Variants in PXDN observed in about 807,000 individuals in gnomAD.
PXDN encodes the protein peroxidasin homolog.
PXDN carries 77 observed loss-of-function variants against 140.3 expected under a neutral mutation model. The observed-to-expected ratio is 0.55, with a 90% CI of 0.46 to 0.66. The LOEUF (loss-of-function observed/expected upper bound fraction) is 0.66. Ranked by LOEUF, PXDN falls within the 30% of genes least tolerant of loss-of-function variation. PXDN has a pLI of 0.00. For synonymous variants in PXDN, 911 were observed against 857.4 expected (o/e 1.06, Z -1.09); for missense variants, 1,838 against 2,039.5 (o/e 0.90, Z 1.90).
intron 9 of PXDN, among the ~76,000 whole-genome samples, chr2:1,667,160 T>C (rs1683463156): frequency 6.6e-6 from 1 of 151,878 alleles, no homozygotes; most frequent in Non-Finnish European, 1.5e-5. Context: ...ATAACTAAGA[T>C]TAGAGCATAA....
chr2:1,703,037 GGC>G, intron 1 of PXDN, among the ~76,000 whole-genome samples: 1 of 55,566 alleles, frequency 1.8e-5, no homozygotes, highest in Non-Finnish European at 3.6e-5. Flanking sequence ...GTGAAGGGGG[GGC>G]AGCTCCAGGT....
At position 1,670,922 on chromosome 2, in the gene PXDN, C is replaced by T. The variant is rs78659608; in HGVS notation, c.1018+2721G>A. On this transcript the variant is annotated intron_variant, in intron 9 of 22. Transcript: ENST00000252804. ...CATTTAAGTGTTGTTCACCAAAATC[C>T]GGTCCTCACGTGAACTTGCTGCCCA... 6.7e-3 allele frequency among the ~76,000 whole-genome samples: 1,015 copies of T among 152,256 alleles called. 8 individuals are homozygous for T. Among genetic ancestry groups the T allele is most frequent in the Non-Finnish European group, 0.01 (706 of 68,032 alleles).
chr2:1,742,714 T>A (rs1685574719), intron 1 of PXDN, among the ~76,000 whole-genome samples: 2 of 152,326 alleles, frequency 1.3e-5, no homozygotes, highest in East Asian at 1.9e-4. Flanking sequence ...AGTCCACTGC[T>A]GTTGAGTGAG....
chr2:1,680,767 A>G (rs1410766447), intron 6 of PXDN, among the ~76,000 whole-genome samples: 1 of 152,052 alleles, frequency 6.6e-6, no homozygotes, highest in Non-Finnish European at 1.5e-5. Context: ...CAGCCACAAA[A>G]CCACCACTGT....
At chr2:1,699,560 A>C (rs889844894) in intron 1 of PXDN, among the ~76,000 whole-genome samples, 4 of 152,046 alleles carry the variant, frequency 2.6e-5, no homozygotes, top group Admixed American at 2.0e-4. Flanking sequence ...AATACAAAAA[A>C]TTAGCTGGGC....
chr2:1,713,023 C>A (rs1331870882), intron 1 of PXDN, among the ~76,000 whole-genome samples: 1 of 152,110 alleles, frequency 6.6e-6, no homozygotes, highest in African/African-American at 2.4e-5. Flanking sequence ...CTGTGTCCGG[C>A]CGTTTTGGAG....
chr2:1,653,872 A>G, intron 15 of PXDN, 87 bp from the exon 16 acceptor site: 2 of 1,368,722 alleles, frequency 1.5e-6, no homozygotes, highest in Non-Finnish European at 2.0e-6. Flanking sequence ...AATCATTGCT[A>G]TTAATATTTC....
chr2:1,686,965 TGCCGAGTGAAAGGTGACTG>T (rs1684074875), intron 4 of PXDN, among the ~76,000 whole-genome samples: 1 of 152,036 alleles, frequency 6.6e-6, no homozygotes, highest in African/African-American at 2.4e-5. Context: ...GGGCTCAGTT[TGCCGAGTGAAAGGTGACTG>T]GCCGAGCAAA....
chr2:1,656,694 C>T (rs959254656), intron 14 of PXDN, among the ~76,000 whole-genome samples: 3 of 147,140 alleles, frequency 2.0e-5, no homozygotes, highest in Non-Finnish European at 3.0e-5. Context: ...GCCCCCCTGA[C>T]AGAAACCCGC....
At chr2:1,679,494 G>GGT (rs146809945) in intron 7 of PXDN, among the ~76,000 whole-genome samples, 6 of 148,976 alleles carry the variant, frequency 4.0e-5, no homozygotes, top group Non-Finnish European at 7.4e-5. Flanking sequence ...GTGTGTAAAT[G>GGT]GTGTGTGTGT....
chr2:1,634,186 G>T lies in PXDN; in HGVS notation c.*18C>A. ...CACGATGGCACAGCAGACAAACTCT[G>T]AGGAGCCTCCCAGGAGCCTAGGGCT... On this transcript the variant is annotated 3_prime_UTR_variant, in exon 23 of 23. Coordinates refer to ENST00000252804, the MANE Select transcript of PXDN (RefSeq NM_012293.3). 2 of 1,559,584 alleles carry T rather than the reference G, an allele frequency of 1.3e-6. No homozygotes were observed. The highest frequency in any genetic ancestry group is 1.7e-6 in the Non-Finnish European group (2 of 1,151,212).
rs1219507866 is a variant in PXDN, at chr2:1,714,419, G to A, written c.201-21285C>T. Reference sequence around the variant, plus strand: ...AGAAGATGGGGCTACTGTGGGAGCAGGGACCCTGCCAGTTACACTTCCTAG... The same window carrying A: ...AGAAGATGGGGCTACTGTGGGAGCAAGGACCCTGCCAGTTACACTTCCTAG... On this transcript the variant is annotated intron_variant, in intron 1 of 22. Transcript: ENST00000252804. The surrounding 1 kb of genome is among the most constrained non-coding windows in gnomAD (Gnocchi z 4.3). Among the ~76,000 whole-genome samples, 4 of 152,280 alleles carry A rather than the reference G, an allele frequency of 2.6e-5. No individual in the cohort carries two copies. In the East Asian group the frequency reaches 7.8e-4, roughly 30 times the overall value.
chr2:1,744,556 G>C, upstream of PXDN: 1 of 1,008,554 alleles, frequency 9.9e-7, no homozygotes, highest in Non-Finnish European at 1.3e-6. Flanking sequence ...GTGCGCGGGG[G>C]GCGGGGGGCG....
chr2:1,644,622 C>T lies in PXDN; in HGVS notation c.3739G>A (p.Asp1247Asn). The T allele has an allele frequency of 6.3e-7, 1 of 1,599,600 alleles. No homozygotes were observed. Among genetic ancestry groups the T allele is most frequent in the Non-Finnish European group, 8.5e-7 (1 of 1,170,996 alleles). ...CTTTCTGGTGCACGTGCTCACCTGT[C>T]CCCATCTCGCAGGCGCTTGAACTGT... Reference protein sequence around the residue: ...STQFKRLRDGDRLWYENPGVF... With the variant: ...STQFKRLRDGNRLWYENPGVF... The change falls in exon 18 of 23, where the codon GAC (aspartate) becomes AAC (asparagine). Residue 1247 changes from aspartate to asparagine, a missense_variant. Transcript: ENST00000252804.
At position 1,711,339 on chromosome 2, in the gene PXDN, C is replaced by T. The variant is rs111215072; in HGVS notation, c.201-18205G>A. 9.2e-3 allele frequency among the ~76,000 whole-genome samples: 459 copies of T among 49,924 alleles called. 1 individual carries two copies. The highest frequency in any genetic ancestry group is 0.017 in the Non-Finnish European group (335 of 19,312). The allele number at this position is 49,924 out of a possible 152,430, so 32.8% of individuals were successfully genotyped here. ...GCTCCACCAGCACCCGCTCCACCAG[C>T]ACCCACTCTCCACCAGCACCCGCTC... On this transcript the variant is annotated intron_variant, in intron 1 of 22. Transcript: ENST00000252804.
At chr2:1,718,950 C>T (rs1250216024) in intron 1 of PXDN, among the ~76,000 whole-genome samples, 1 of 152,240 alleles carries the variant, frequency 6.6e-6, no homozygotes, top group Non-Finnish European at 1.5e-5. Context: ...GAAGCCCAGC[C>T]CCGAAGACCA....
In PXDN at chr2:1,635,445, T is replaced by G. The variant is rs1682524260; in HGVS notation, c.4283A>C (p.Lys1428Thr). The change falls in exon 22 of 23, where the codon AAG (lysine) becomes ACG (threonine). Residue 1428 changes from lysine to threonine, a missense_variant. Physicochemically the swap from Lys to Thr is moderately conservative, Grantham distance 78. Transcript: ENST00000252804. ...AGGESHANNT[K>T]WKKDACTICE... ...AATGGTGCATGCATCTTTTTTCCAC[T>G]TGGTGTTGTTGGCGTGAGATTCGCC... 1 of 1,600,406 alleles carries G rather than the reference T, an allele frequency of 6.2e-7. No homozygotes were observed. Among genetic ancestry groups the G allele is most frequent in the South Asian group, 1.1e-5 (1 of 88,504 alleles).
At chr2:1,730,828 A>G (rs1685295777) in intron 1 of PXDN, among the ~76,000 whole-genome samples, 1 of 152,146 alleles carries the variant, frequency 6.6e-6, no homozygotes. Context: ...TCCGGCTGTG[A>G]CCTATGGTTC....
At chr2:1,716,680 T>C (rs1208398199) in intron 1 of PXDN, among the ~76,000 whole-genome samples, 1 of 152,106 alleles carries the variant, frequency 6.6e-6, no homozygotes, top group Non-Finnish European at 1.5e-5. Flanking sequence ...TGCAATCACG[T>C]GGTGGGGCCC....
Sources: allele counts gnomAD v4.1 joint callset (sites outside exome capture counted in the v4.1 genomes callset), GRCh38; gene constraint gnomAD v4.1.1; non-coding constraint Gnocchi (gnomAD v3.1); transcripts MANE v1.5; gene names NCBI Gene and HGNC (gene_info 2026-07-23, HGNC 2026-07-21).